ADCY2: variants seen among roughly 807,000 people sequenced by gnomAD.
ADCY2 encodes adenylate cyclase 2, also known as adenylate cyclase type 2.
Under a neutral mutation model 125.2 loss-of-function variants are expected in ADCY2, and 31 were observed. The observed-to-expected ratio is 0.25, with a 90% CI of 0.19 to 0.33. The LOEUF is 0.33. Ranked by LOEUF, ADCY2 falls within the 10% of genes least tolerant of loss-of-function variation. The probability of loss-of-function intolerance (pLI) is 1.00; values close to 1 mark genes in which losing one functional copy is unlikely to be tolerated. For synonymous variants in ADCY2, 512 were observed against 548.4 expected, an observed-to-expected ratio of 0.93 and a Z score of 0.93; for missense variants, 904 against 1,418.2, an observed-to-expected ratio of 0.64 and a Z score of 5.82.
At chr5:7,429,207 A>T (rs1740501387) in intron 2 of ADCY2, among the ~76,000 whole-genome samples, 1 of 152,222 alleles carries the variant, frequency 6.6e-6, no homozygotes, top group Admixed American at 6.5e-5. Context: ...AGAAGGGGAC[A>T]TTGCCTACTG....
intron 4 of ADCY2, among the ~76,000 whole-genome samples, chr5:7,645,541 AAGG>A (rs34580144): frequency 0.045 from 6,853 of 152,258 alleles, 492 homozygotes; most frequent in African/African-American, 0.15. Flanking sequence ...GAACTTTGGG[AAGG>A]AGGATGACTG....
At chr5:7,690,651 GTC>G (rs752482294) in intron 4 of ADCY2, 38 bp from the exon 5 acceptor site, 8 of 1,491,410 alleles carry the variant, frequency 5.4e-6, no homozygotes, top group Non-Finnish European at 7.1e-6. Flanking sequence ...CCCCCGAGGT[GTC>G]TGAGAGACAT....
At chr5:7,585,188 C>G (rs539406201) in intron 3 of ADCY2, among the ~76,000 whole-genome samples, 23 of 152,200 alleles carry the variant, frequency 1.5e-4, no homozygotes, top group African/African-American at 5.3e-4. Context: ...TGTTCACATT[C>G]ATTTTCTACG....
intron 1 of ADCY2, among the ~76,000 whole-genome samples, chr5:7,402,898 C>G (rs1739318412): frequency 6.6e-6 from 1 of 152,096 alleles, no homozygotes; most frequent in South Asian, 2.1e-4. Context: ...AGGGTCATCA[C>G]CCCATAGAAA....
Position 7,441,078 on chromosome 5 carries a change from C to T in ADCY2, c.408+26308C>T, listed in dbSNP as rs367923384. Among the ~76,000 whole-genome samples the T allele has an allele frequency of 5.3e-5, 8 of 152,028 alleles. No individual in the cohort carries two copies. The East Asian group carries it at 1.2e-3, about 22-fold the overall frequency. On this transcript the variant is annotated intron_variant, in intron 2 of 24. Transcript: ENST00000338316. ...TACAGTCAGGGTGTAGAGGGCAGGA[C>T]GGTTTTGGAGATACGTTCTTAGGAA... is the stretch of plus-strand genomic sequence containing the variant.
chr5:7,805,444 G>A (rs1036531570), intron 22 of ADCY2, among the ~76,000 whole-genome samples: 1 of 150,390 alleles, frequency 6.6e-6, no homozygotes, highest in Admixed American at 6.6e-5. Flanking sequence ...AGATTTTCTC[G>A]TGTGTGTGTG....
intron 3 of ADCY2, among the ~76,000 whole-genome samples, chr5:7,536,721 A>T (rs1302509260): frequency 6.6e-6 from 1 of 152,006 alleles, no homozygotes; most frequent in South Asian, 2.1e-4. Context: ...TCAGCGAACT[A>T]TCACAGAAAA....
chr5:7,457,867 G>A (rs996971018), intron 2 of ADCY2, among the ~76,000 whole-genome samples: 22 of 152,166 alleles, frequency 1.4e-4, no homozygotes, highest in African/African-American at 5.3e-4. Flanking sequence ...AGTGAGGATG[G>A]CAGTCACCAT....
Position 7,727,187 on chromosome 5 carries a change from G to A in ADCY2, c.1797G>A (p.Ala599=), listed in dbSNP as rs778398128. The A allele has an allele frequency of 5.5e-5, 88 of 1,614,086 alleles. No homozygotes were observed. The highest frequency in any genetic ancestry group is 3.3e-4 in the Middle Eastern group (2 of 6,060). The change falls in exon 14 of 25, where the codon GCG becomes GCA. Residue 599 remains alanine, a synonymous_variant. Transcript: ENST00000338316. ...EKEYRATALP[A]FKYYVTCACL... ...AGTACCGGGCCACGGCACTGCCAGC[G>A]TTCAAGTATTATGTGACTTGTGCCT...
chr5:7,720,767 G>C (rs1741733097), intron 12 of ADCY2, among the ~76,000 whole-genome samples: 1 of 152,138 alleles, frequency 6.6e-6, no homozygotes, highest in South Asian at 2.1e-4. Flanking sequence ...TGGTGTATAT[G>C]TGCCACATTT....
intron 15 of ADCY2, among the ~76,000 whole-genome samples, chr5:7,755,916 G>C (rs902215600): frequency 6.6e-6 from 1 of 152,248 alleles, no homozygotes; most frequent in Non-Finnish European, 1.5e-5. Flanking sequence ...TTCTTTATTT[G>C]AATTTGAATT....
At chr5:7,759,365 C>A (rs113319682) in intron 16 of ADCY2, among the ~76,000 whole-genome samples, 3 of 152,340 alleles carry the variant, frequency 2.0e-5, no homozygotes, top group African/African-American at 7.2e-5. Context: ...GCTCAGCCTC[C>A]AGAGCAGCTA....
At chr5:7,726,959 C>T (rs1741951290) in intron 13 of ADCY2, among the ~76,000 whole-genome samples, 4 of 152,164 alleles carry the variant, frequency 2.6e-5, no homozygotes. Flanking sequence ...AACTGTGGTC[C>T]TTGGAAGTCA....
chr5:7,722,001 T>C (rs1025888758), intron 12 of ADCY2, among the ~76,000 whole-genome samples: 1 of 152,230 alleles, frequency 6.6e-6, no homozygotes, highest in Non-Finnish European at 1.5e-5. Flanking sequence ...CAGAGGTGAT[T>C]AAGTGTGTAG....
At chr5:7,664,866 CCA>C (rs1739659317) in intron 4 of ADCY2, among the ~76,000 whole-genome samples, 1 of 152,136 alleles carries the variant, frequency 6.6e-6, no homozygotes, top group African/African-American at 2.4e-5. Context: ...AACTTGGTCT[CCA>C]CAGTCCTTTA....
At chr5:7,690,629 T>C in intron 4 of ADCY2, 62 bp from the exon 5 acceptor site, 1 of 1,383,620 alleles carries the variant, frequency 7.2e-7, no homozygotes, top group Non-Finnish European at 9.4e-7. Context: ...ATCTCCAATG[T>C]TATTTGGTCA....
chr5:7,567,713 T>G (rs957466534), intron 3 of ADCY2, among the ~76,000 whole-genome samples: 13 of 152,200 alleles, frequency 8.5e-5, no homozygotes, highest in Middle Eastern at 3.2e-3. Context: ...TGGTCTTGGT[T>G]TTCTTGGGCT....
intron 2 of ADCY2, among the ~76,000 whole-genome samples, chr5:7,500,437 C>G (rs1332664164): frequency 3.3e-5 from 5 of 152,152 alleles, no homozygotes; most frequent in South Asian, 2.1e-4. Flanking sequence ...AGAACTCTGA[C>G]AAGCATTACA....
At chr5:7,525,344 G>A (rs1734421763) in intron 3 of ADCY2, among the ~76,000 whole-genome samples, 1 of 152,114 alleles carries the variant, frequency 6.6e-6, no homozygotes, top group Non-Finnish European at 1.5e-5. Flanking sequence ...ATTGTCTCTG[G>A]TTTGTGCAGT....
Sources: gnomAD v4.1 joint callset for allele counts (sites outside exome capture counted in the v4.1 genomes callset) on GRCh38, gnomAD v4.1.1 for gene constraint, MANE v1.5 for transcripts, NCBI Gene and HGNC (gene_info 2026-07-23, HGNC 2026-07-21) for gene names.